Variants in CNKSR3 observed in about 807,000 individuals in gnomAD.
CNKSR3 encodes connector enhancer of kinase suppressor of ras 3.
Under a neutral mutation model 67.7 loss-of-function variants are expected in CNKSR3, and 36 were observed. The ratio of observed to expected loss-of-function variants is 0.53; its 90% confidence interval spans 0.41 to 0.70. The LOEUF (loss-of-function observed/expected upper bound fraction) is 0.70. CNKSR3 is among the 30% of genes least tolerant of loss of function. The pLI, the probability that CNKSR3 is intolerant of heterozygous loss-of-function variation, is 0.00. For synonymous variants in CNKSR3, 281 were observed against 271.4 expected (o/e 1.04, Z -0.35); for missense variants, 630 against 695.2 (o/e 0.91, Z 1.05).
At chr6:154,427,917 T>C (rs937838006) in intron 7 of CNKSR3, among the ~76,000 whole-genome samples, 1 of 152,124 alleles carries the variant, frequency 6.6e-6, no homozygotes. Flanking sequence ...GGGCAAGGTA[T>C]ATGAACAAGA....
intron 1 of CNKSR3, among the ~76,000 whole-genome samples, chr6:154,453,243 T>C (rs1411028408): frequency 3.3e-5 from 5 of 152,244 alleles, no homozygotes; most frequent in African/African-American, 1.2e-4. Context: ...GGCCAGATCA[T>C]TTCTCTTTTA....
intron 9 of CNKSR3, among the ~76,000 whole-genome samples, chr6:154,417,080 CCTCAAA>C: frequency 6.6e-6 from 1 of 152,146 alleles, no homozygotes; most frequent in Non-Finnish European, 1.5e-5. Flanking sequence ...TCCTCTATTG[CCTCAAA>C]CTCAATTATG....
At chr6:154,439,579 C>T (rs901189934) in intron 4 of CNKSR3, among the ~76,000 whole-genome samples, 1 of 152,110 alleles carries the variant, frequency 6.6e-6, no homozygotes, top group African/African-American at 2.4e-5. Flanking sequence ...TTTAATTGAT[C>T]GCTAGTAAAC....
intron 1 of CNKSR3, among the ~76,000 whole-genome samples, chr6:154,474,163 A>G (rs1786391808): frequency 6.6e-6 from 1 of 150,658 alleles, no homozygotes; most frequent in African/African-American, 2.4e-5. Context: ...CTGCAATCCC[A>G]GCACTTTGGG....
intron 5 of CNKSR3, 129 bp from the exon 6 acceptor site, chr6:154,430,720 C>T (rs137983404): frequency 6.1e-6 from 5 of 813,444 alleles, no homozygotes; most frequent in African/African-American, 5.2e-5. Context: ...GATAATTCTG[C>T]TCAGTGAATG....
At chr6:154,439,213 T>A (rs1258745663) in intron 4 of CNKSR3, among the ~76,000 whole-genome samples, 1 of 152,214 alleles carries the variant, frequency 6.6e-6, no homozygotes, top group Non-Finnish European at 1.5e-5. Flanking sequence ...AAAGTCTGCT[T>A]ATCTATCCAT....
rs7772882 is a variant in CNKSR3 at position 154,399,436 on chromosome 6, T to C, written c.*6918A>G. 0.32 allele frequency: 49,083 copies of C among 151,886 alleles called. 9,040 individuals carry two copies. Among genetic ancestry groups the C allele is most frequent in the African/African-American group, 0.48 (19,705 of 41,372 alleles). 9.4% of individuals were successfully genotyped at this position (151,886 alleles called of 1,614,324 possible). On this transcript the variant is annotated 3_prime_UTR_variant, in exon 13 of 13. Coordinates refer to ENST00000607772, the MANE Select transcript of CNKSR3 (RefSeq NM_173515.4). ...AATCACCATAAGCCTTCGAAGTAGA[T>C]GCTAGTATTATCCCCATTTCATAGA...
chr6:154,467,664 A>T (rs1264356705), intron 1 of CNKSR3, among the ~76,000 whole-genome samples: 3 of 152,282 alleles, frequency 2.0e-5, no homozygotes, highest in African/African-American at 7.2e-5. Flanking sequence ...ATTTAATTTC[A>T]AGTTTATTTT....
At chr6:154,461,407 G>C (rs1786077557) in intron 1 of CNKSR3, among the ~76,000 whole-genome samples, 1 of 152,218 alleles carries the variant, frequency 6.6e-6, no homozygotes, top group African/African-American at 2.4e-5. Flanking sequence ...ATAATTTATA[G>C]TTGCTGTTCA....
intron 7 of CNKSR3, among the ~76,000 whole-genome samples, chr6:154,423,621 C>T (rs1323536381): frequency 1.3e-5 from 2 of 152,188 alleles, no homozygotes; most frequent in African/African-American, 4.8e-5. Context: ...AATTCTTACA[C>T]ATATCCTTAT....
chr6:154,428,061 A>G (rs1165069655), intron 7 of CNKSR3, 67 bp downstream of exon 7: 3 of 1,034,796 alleles, frequency 2.9e-6, no homozygotes, highest in Non-Finnish European at 4.5e-6. Context: ...AATTCAAAGT[A>G]TAGAGACTGT....
chr6:154,424,365 T>C (rs1327183713), intron 7 of CNKSR3, among the ~76,000 whole-genome samples: 10 of 152,332 alleles, frequency 6.6e-5, no homozygotes, highest in East Asian at 5.8e-4. Context: ...GTATCTCATA[T>C]ATGACTAAGA....
chr6:154,459,540 A>G (rs1786035678), intron 1 of CNKSR3, among the ~76,000 whole-genome samples: 1 of 152,260 alleles, frequency 6.6e-6, no homozygotes, highest in Non-Finnish European at 1.5e-5. Flanking sequence ...CCAAATACGT[A>G]GTAATGAGCC....
Position 154,403,698 on chromosome 6 carries a change from T to C in CNKSR3, c.*2656A>G, listed in dbSNP as rs1784740688. 6.6e-6 allele frequency: 1 copy of C among 151,800 alleles called. No homozygotes were observed. Among genetic ancestry groups the C allele is most frequent in the Admixed American group, 6.6e-5 (1 of 15,234 alleles). 9.4% of individuals were successfully genotyped at this position (151,800 alleles called of 1,614,324 possible). The stretch of plus-strand genomic sequence containing the variant: ...TGAAGCTGTGGAGGGTGACTGCAAG[T>C]AGAGGAGCCAGGAACTTCTCTCGCG... On this transcript the variant is annotated 3_prime_UTR_variant, in exon 13 of 13. Transcript: ENST00000607772.
At chr6:154,478,123 C>T (rs1337749590) in intron 1 of CNKSR3, among the ~76,000 whole-genome samples, 1 of 152,160 alleles carries the variant, frequency 6.6e-6, no homozygotes, top group Non-Finnish European at 1.5e-5. Context: ...GTGAGTACAG[C>T]CTGAATGACA....
intron 9 of CNKSR3, among the ~76,000 whole-genome samples, chr6:154,415,228 A>ATTTTT (rs35873703): frequency 0.016 from 1,888 of 118,030 alleles, 171 homozygotes; most frequent in African/African-American, 0.06. Flanking sequence ...CTAGCTGCCC[A>ATTTTT]TTTTTTTTTT....
intron 1 of CNKSR3, among the ~76,000 whole-genome samples, chr6:154,462,929 G>C (rs1214553179): frequency 6.6e-6 from 1 of 152,194 alleles, no homozygotes; most frequent in Non-Finnish European, 1.5e-5. Context: ...CAGCACAGAG[G>C]AAGCACTTTG....
chr6:154,443,139 A>G (rs1440605277), intron 2 of CNKSR3, among the ~76,000 whole-genome samples: 3 of 151,704 alleles, frequency 2.0e-5, no homozygotes, highest in Non-Finnish European at 4.4e-5. Context: ...CTCAGGCACA[A>G]TGCCCCCCTC....
chr6:154,423,622 A>G (rs1267794405), intron 7 of CNKSR3, among the ~76,000 whole-genome samples: 1 of 152,190 alleles, frequency 6.6e-6, no homozygotes, highest in South Asian at 2.1e-4. Flanking sequence ...ATTCTTACAC[A>G]TATCCTTATC....
Sources: gnomAD v4.1 joint callset for allele counts (sites outside exome capture counted in the v4.1 genomes callset) on GRCh38, gnomAD v4.1.1 for gene constraint, MANE v1.5 for transcripts, NCBI Gene and HGNC (gene_info 2026-07-23, HGNC 2026-07-21) for gene names.